KIF18A: variants seen among roughly 807,000 people sequenced by gnomAD.
KIF18A encodes kinesin family member 18A.
In KIF18A, 67 loss-of-function variants were observed where a neutral mutation model predicts 103.3. The ratio of observed to expected loss-of-function variants is 0.65; its 90% CI spans 0.53 to 0.79. The LOEUF (loss-of-function observed/expected upper bound fraction) is 0.79, where lower values mean the gene tolerates loss of function less well. Among genes scored for constraint, KIF18A ranks in the 30% least tolerant of loss-of-function variants. KIF18A has a pLI of 0.00. For synonymous variants in KIF18A, 367 were observed against 355.5 expected, an observed-to-expected ratio of 1.03 and a Z score of -0.36; for missense variants, 1,032 against 1,062.5, an observed-to-expected ratio of 0.97 and a Z score of 0.40.
At chr11:28,075,361 A>T (rs1311339836) in intron 10 of KIF18A, among the ~76,000 whole-genome samples, 2 of 152,164 alleles carry the variant, frequency 1.3e-5, no homozygotes, top group Admixed American at 1.3e-4. Context: ...AATGACTTGT[A>T]TTTTGGTTTC....
At chr11:28,057,579 A>AT (rs1341741559) in intron 13 of KIF18A, among the ~76,000 whole-genome samples, 9 of 152,092 alleles carry the variant, frequency 5.9e-5, no homozygotes, top group Non-Finnish European at 1.3e-4. Context: ...TGTTGTTACT[A>AT]TTTTTGGTTT....
At chr11:28,098,039 T>C (rs1464711478) in intron 1 of KIF18A, 46 bp from the exon 2 acceptor site, 3 of 1,003,010 alleles carry the variant, frequency 3.0e-6, no homozygotes, top group African/African-American at 3.3e-5. Context: ...GTTTTTACTT[T>C]CATGCAAAAC....
intron 15 of KIF18A, among the ~76,000 whole-genome samples, chr11:28,032,448 C>T (rs1850423443): frequency 6.6e-6 from 1 of 151,874 alleles, no homozygotes; most frequent in Non-Finnish European, 1.5e-5. Context: ...GGAGGAATCA[C>T]ATTACCTGAC....
At chr11:28,049,430 G>A (rs570706553) in intron 13 of KIF18A, among the ~76,000 whole-genome samples, 102 of 152,060 alleles carry the variant, frequency 6.7e-4, no homozygotes, top group Non-Finnish European at 1.1e-3. Flanking sequence ...TTACCCAGAG[G>A]AAGTAATTTA....
intron 1 of KIF18A, among the ~76,000 whole-genome samples, chr11:28,104,066 T>C (rs780751200): frequency 1.3e-5 from 2 of 152,178 alleles, no homozygotes; most frequent in African/African-American, 4.8e-5. Flanking sequence ...ATAAGCCAAG[T>C]TGAACAGGTC....
chr11:28,077,312 G>A, intron 9 of KIF18A, 143 bp from the exon 10 acceptor site: 3 of 526,028 alleles, frequency 5.7e-6, no homozygotes, highest in South Asian at 7.0e-5. Context: ...AGGTAAAAAT[G>A]ACTATTTCCT....
At chr11:28,023,324 T>C (rs75946835) in intron 16 of KIF18A, among the ~76,000 whole-genome samples, 3,345 of 152,262 alleles carry the variant, frequency 0.022, 132 homozygotes, top group African/African-American at 0.077. Flanking sequence ...GTGTAGTAGT[T>C]ACACATTGAG....
At position 28,088,629 on chromosome 11, in the gene KIF18A, T is replaced by G. The variant is rs1167837369; in HGVS notation, c.792A>C (p.Arg264=). The G allele has an allele frequency of 1.2e-6, 2 of 1,614,074 alleles. No individual in the cohort carries two copies. The highest frequency in any genetic ancestry group is 1.7e-6 in the Non-Finnish European group (2 of 1,179,942). The stretch of plus-strand genomic sequence containing the variant: ...TCCCCTTAGCACCGGAAGTACTTGC[T>G]CGCTCAGATCCTGCCAGGTCAATGA... The part of the protein sequence containing the change: ...MSLIDLAGSE[R]ASTSGAKGTR... Residue 264 remains arginine (R), a synonymous_variant, in exon 6 of 17, where the codon CGA becomes CGC. Transcript: ENST00000263181.
At chr11:28,088,058 A>G (rs1399860022) in intron 6 of KIF18A, among the ~76,000 whole-genome samples, 4 of 152,090 alleles carry the variant, frequency 2.6e-5, no homozygotes, top group Non-Finnish European at 5.9e-5. Context: ...AGGTGATTTC[A>G]TGACATTTTA....
At position 28,058,984 on chromosome 11, in the gene KIF18A, T is replaced by A. The variant is rs912558360; in HGVS notation, c.1890A>T (p.Pro630=). The A allele has an allele frequency of 6.2e-7, 1 of 1,613,996 alleles. No homozygotes were observed. Among genetic ancestry groups the A allele is most frequent in the Non-Finnish European group, 8.5e-7 (1 of 1,179,998 alleles). ...GAAAGGTCATAAGAACAGAAATCCC[T>A]GGTAGATCGTTTTGCTTTGGTTGTT... The part of the protein sequence containing the change: ...TAEQPKQNDL[P]GISVLMTFPQ... The change falls in exon 13 of 17, where the codon CCA becomes CCT. Residue 630 remains proline, a synonymous_variant. Transcript: ENST00000263181.
intron 15 of KIF18A, 29 bp downstream of exon 15, chr11:28,035,357 AG>A: frequency 1.6e-6 from 2 of 1,284,606 alleles, no homozygotes; most frequent in Non-Finnish European, 2.2e-6. Flanking sequence ...ATATAACTAC[AG>A]AACCAAACCA....
rs568305833 is a variant in KIF18A, at chr11:28,056,319, T to C, written c.1948+2607A>G. Among the ~76,000 whole-genome samples, 20 of 152,170 alleles carry C rather than the reference T, an allele frequency of 1.3e-4. 1 individual carries two copies. Among genetic ancestry groups the C allele is most frequent in the Middle Eastern group, 3.4e-3 (1 of 292 alleles). On this transcript the variant is annotated intron_variant, in intron 13 of 16. Coordinates refer to ENST00000263181, the MANE Select transcript of KIF18A (RefSeq NM_031217.4). ...AATGGAAATTCCAGAATTGGAAATA[T>C]AGCGACTGAAATTAAAAATTTTATG...
In KIF18A at chr11:28,062,384, T is replaced by C; in HGVS notation, c.1712+11A>G. ...GTTAAAATTGGAAAATAGGTAAATG[T>C]ATGTACTCACGCTTCAGTCTGCCTG... On this transcript the variant is annotated intron_variant, in intron 12 of 16. Transcript: ENST00000263181. 1 of 1,599,334 alleles carries C rather than the reference T, an allele frequency of 6.3e-7. No individual in the cohort carries two copies. Among genetic ancestry groups the C allele is most frequent in the Non-Finnish European group, 8.5e-7 (1 of 1,173,184 alleles).
intron 9 of KIF18A, 56 bp from the exon 10 acceptor site, chr11:28,077,225 A>T: frequency 1.6e-6 from 2 of 1,251,704 alleles, no homozygotes; most frequent in Non-Finnish European, 2.2e-6. Context: ...AAATCATACA[A>T]AGTTTACTTA....
At chr11:28,103,058 T>A (rs536270603) in intron 1 of KIF18A, among the ~76,000 whole-genome samples, 25 of 152,278 alleles carry the variant, frequency 1.6e-4, no homozygotes, top group African/African-American at 6.0e-4. Flanking sequence ...TCTGATCAAT[T>A]TTGTCCTATC....
intron 10 of KIF18A, among the ~76,000 whole-genome samples, chr11:28,073,484 G>T (rs191885646): frequency 5.9e-5 from 9 of 152,214 alleles, no homozygotes; most frequent in Admixed American, 2.0e-4. Flanking sequence ...AAGAGTGCAG[G>T]CTCTGAAGCC....
At chr11:28,042,605 T>C (rs1327503724) in intron 13 of KIF18A, among the ~76,000 whole-genome samples, 1 of 151,956 alleles carries the variant, frequency 6.6e-6, no homozygotes, top group Non-Finnish European at 1.5e-5. Context: ...TCTTTTCTTT[T>C]TGATAGGGAA....
At chr11:28,078,111 G>A (rs1281722891) in intron 9 of KIF18A, among the ~76,000 whole-genome samples, 1 of 151,932 alleles carries the variant, frequency 6.6e-6, no homozygotes, top group Non-Finnish European at 1.5e-5. Context: ...TCAAGTACAT[G>A]CATTTAAAAA....
chr11:28,068,700 C>T (rs1007041800), intron 11 of KIF18A, among the ~76,000 whole-genome samples: 8 of 151,976 alleles, frequency 5.3e-5, no homozygotes, highest in Admixed American at 2.0e-4. Context: ...ACGACAAGCA[C>T]GATAATGACA....
Sources: allele counts gnomAD v4.1 joint callset (sites outside exome capture counted in the v4.1 genomes callset), GRCh38; gene constraint gnomAD v4.1.1; transcripts MANE v1.5; gene names NCBI Gene and HGNC (gene_info 2026-07-23, HGNC 2026-07-21).